The following FREM3 variants were observed in gnomAD, a reference collection of about 807,000 sequenced individuals.
FREM3 encodes FRAS1-related extracellular matrix protein 3.
In FREM3, 105 loss-of-function variants were observed where a neutral mutation model predicts 129.1. The observed-to-expected ratio is 0.81, with a 90% CI of 0.69 to 0.96. The LOEUF (loss-of-function observed/expected upper bound fraction) is 0.96, where lower values mean the gene tolerates loss of function less well. Ranked by LOEUF, FREM3 falls within the 40% of genes least tolerant of loss-of-function variation. The pLI, the probability that FREM3 is intolerant of heterozygous loss-of-function variation, is 0.00. For missense variants in FREM3, 2,593 were observed against 2,666.3 expected, an observed-to-expected ratio of 0.97 and a Z score of 0.61; for synonymous variants, 1,014 against 1,044.9, an observed-to-expected ratio of 0.97 and a Z score of 0.57.
chr4:143,636,708 TCTC>T (rs1405546546), intron 2 of FREM3, among the ~76,000 whole-genome samples: 1 of 151,546 alleles, frequency 6.6e-6, no homozygotes, highest in Non-Finnish European at 1.5e-5. Context: ...TCTAATATAA[TCTC>T]CTCTTTTAAA....
At chr4:143,599,781 G>GCTA (rs1738541000) in intron 6 of FREM3, among the ~76,000 whole-genome samples, 1 of 152,040 alleles carries the variant, frequency 6.6e-6, no homozygotes, top group African/African-American at 2.4e-5. Context: ...TAGATTCAGG[G>GCTA]GTACATACAT....
chr4:143,639,849 T>C (rs1164563915), intron 2 of FREM3, among the ~76,000 whole-genome samples: 1 of 152,138 alleles, frequency 6.6e-6, no homozygotes, highest in South Asian at 2.1e-4. Flanking sequence ...TCATACTTGA[T>C]ATTTGACAAA....
chr4:143,577,875 T>C (rs1418590075), intron 7 of FREM3, 23 bp from the exon 8 acceptor site: 2 of 1,526,932 alleles, frequency 1.3e-6, no homozygotes, highest in South Asian at 2.4e-5. Flanking sequence ...GAAAAGGCAC[T>C]GGTGAGACAG....
At chr4:143,620,498 T>G (rs1738927305) in intron 5 of FREM3, among the ~76,000 whole-genome samples, 1 of 152,176 alleles carries the variant, frequency 6.6e-6, no homozygotes, top group Non-Finnish European at 1.5e-5. Flanking sequence ...GACAGCTAAA[T>G]CTGGCTGTAT....
In FREM3 at chr4:143,660,674, C is replaced by T. The variant is rs1287369490; in HGVS notation, c.5275+32439G>A. On this transcript the variant is annotated intron_variant, in intron 2 of 7. Transcript: ENST00000329798. ...CACTGAATCTATAAATTACCTTGGG[C>T]AGTATGGCCATTTTCACGATATTGA... Among the ~76,000 whole-genome samples the T allele has an allele frequency of 2.0e-5, 3 of 152,168 alleles. No individual in the cohort carries two copies. In the East Asian group the frequency reaches 5.8e-4, roughly 29 times the overall value.
chr4:143,698,636 A>G lies in FREM3; in HGVS notation c.2040T>C (p.His680=). The change falls in exon 1 of 8, where the codon CAT becomes CAC. Residue 680 remains histidine (H), a synonymous_variant. Coordinates refer to ENST00000329798, the MANE Select transcript of FREM3 (RefSeq NM_001168235.2). The stretch of plus-strand genomic sequence containing the variant: ...GCTGTTTGGAGAGATTGGGTGGGTC[A>G]TGGTCATCCTGCACATGGAAAGCCA... The part of the protein sequence containing the change: ...VQLAFHVQDD[H]DPPNLSKQHI... 6.5e-7 allele frequency: 1 copy of G among 1,537,832 alleles called. No homozygotes were observed. The highest frequency in any genetic ancestry group is 8.7e-7 in the Non-Finnish European group (1 of 1,147,028).
At chr4:143,609,037 A>G (rs531151654) in intron 6 of FREM3, among the ~76,000 whole-genome samples, 43 of 152,274 alleles carry the variant, frequency 2.8e-4, no homozygotes, top group Non-Finnish European at 5.1e-4. Context: ...CTTAAGAATC[A>G]TAGAATTATG....
Position 143,695,656 on chromosome 4 carries a change from G to A in FREM3, c.5020C>T (p.Leu1674Phe). The A allele has an allele frequency of 1.3e-6, 2 of 1,537,270 alleles. No homozygotes were observed. Among genetic ancestry groups the A allele is most frequent in the East Asian group, 2.4e-5 (1 of 40,916 alleles). The change falls in exon 1 of 8, where the codon CTT becomes TTT. Residue 1674 changes from leucine to phenylalanine, a missense_variant. Leu to Phe is a conservative substitution (Grantham distance 22). Transcript: ENST00000329798. Reference sequence around the variant, plus strand: ...AGGAAGCCCATGTGTCCAGTGTGAAGGCGCTTCAAGGCTGGGGCACCCCTG... The same window carrying A: ...AGGAAGCCCATGTGTCCAGTGTGAAAGCGCTTCAAGGCTGGGGCACCCCTG... ...TNRGAPALKR[L>F]HTGHMGFLIT...
At chr4:143,593,531 CG>C (rs1738406235) in intron 6 of FREM3, among the ~76,000 whole-genome samples, 1 of 152,180 alleles carries the variant, frequency 6.6e-6, no homozygotes, top group Non-Finnish European at 1.5e-5. Context: ...GTATCAGCAG[CG>C]GTGGCTGAAG....
chr4:143,611,622 G>A lies in FREM3; in HGVS notation c.5780-95C>T, dbSNP rs532132859. On this transcript the variant is annotated intron_variant, in intron 5 of 7. Coordinates refer to ENST00000329798, the MANE Select transcript of FREM3 (RefSeq NM_001168235.2). Reference sequence around the variant, plus strand: ...TTCTTTAATGTATTTTTAGATAATAGCTATCTGAATGATACAACACACTTA... The same window carrying A: ...TTCTTTAATGTATTTTTAGATAATAACTATCTGAATGATACAACACACTTA... 25 of 1,113,188 alleles carry A rather than the reference G, an allele frequency of 2.2e-5. No homozygotes were observed. The African/African-American group carries it at 3.7e-4, about 16-fold the overall frequency. The allele number at this position is 1,113,188 out of a possible 1,614,324, so 69.0% of individuals were successfully genotyped here. A position where few individuals can be genotyped will look rare whatever the true frequency, so the allele number is the denominator to read the frequency against.
chr4:143,621,124 C>T lies in FREM3; in HGVS notation c.5692G>A (p.Glu1898Lys), dbSNP rs1738941598. ...ATCAAAAGTTCCCCAATGTCCTCTT[C>T]TATTTTGTATTCCGCCTCTGGAATA... ...VYIPEAEYKI[E>K]EDIGELLIPV... Residue 1898 changes from glutamate to lysine, a missense_variant, in exon 5 of 8, where the codon GAA becomes AAA. Glu to Lys is a moderately conservative substitution (Grantham distance 56, BLOSUM62 1). Coordinates refer to ENST00000329798, the MANE Select transcript of FREM3 (RefSeq NM_001168235.2). 2 of 1,536,976 alleles carry T rather than the reference C, an allele frequency of 1.3e-6. No homozygotes were observed. The highest frequency in any genetic ancestry group is 2.4e-5 in the South Asian group (2 of 84,054).
At position 143,695,716 on chromosome 4, in the gene FREM3, A is replaced by C; in HGVS notation, c.4960T>G (p.Ser1654Ala). ...KPQVMRVQIR[S>A]LDNRLPQITT... is the part of the protein sequence containing the mutation. The stretch of plus-strand genomic sequence containing the variant: ...ATCTGGGGAAGCCTATTGTCTAATG[A>C]TCTTATCTGGACCCTCATTACTTGA... Residue 1654 changes from serine (S) to alanine (A), a missense_variant, in exon 1 of 8, where the codon TCA becomes GCA. Around this residue, in one of 2 missense-constraint regions of FREM3, gnomAD observed 2,276 missense variants for 2,267.2 expected, o/e 1.00. Transcript: ENST00000329798. 1 of 1,537,164 alleles carries C rather than the reference A, an allele frequency of 6.5e-7. No individual in the cohort carries two copies. The highest frequency in any genetic ancestry group is 8.7e-7 in the Non-Finnish European group (1 of 1,146,908).
chr4:143,681,736 A>G (rs1416613205), intron 2 of FREM3, among the ~76,000 whole-genome samples: 1 of 152,198 alleles, frequency 6.6e-6, no homozygotes, highest in Non-Finnish European at 1.5e-5. Context: ...AAAGAAGAGA[A>G]GAGAAGAAAA....
At chr4:143,595,890 A>G (rs113586363) in intron 6 of FREM3, among the ~76,000 whole-genome samples, 987 of 57,346 alleles carry the variant, frequency 0.017, 9 homozygotes, top group Middle Eastern at 0.045. Flanking sequence ...GCCATCTCAG[A>G]AAAAAAAAAA....
At chr4:143,651,010 T>C (rs1739501475) in intron 2 of FREM3, among the ~76,000 whole-genome samples, 1 of 152,266 alleles carries the variant, frequency 6.6e-6, no homozygotes, top group South Asian at 2.1e-4. Flanking sequence ...ATTTGATCAC[T>C]ATAGTGGTCT....
intron 5 of FREM3, among the ~76,000 whole-genome samples, chr4:143,616,007 C>G (rs1396228783): frequency 6.6e-6 from 1 of 152,156 alleles, no homozygotes. Context: ...GTAAGCAAAG[C>G]AAACCTTTCT....
chr4:143,694,144 C>T (rs1052789419), intron 1 of FREM3, among the ~76,000 whole-genome samples: 6 of 152,116 alleles, frequency 3.9e-5, no homozygotes, highest in African/African-American at 1.4e-4. Context: ...ACCTCCAAAC[C>T]TAAAATAAAA....
At chr4:143,613,305 A>G (rs1738793124) in intron 5 of FREM3, among the ~76,000 whole-genome samples, 1 of 152,190 alleles carries the variant, frequency 6.6e-6, no homozygotes, top group Non-Finnish European at 1.5e-5. Context: ...GGGAACTATC[A>G]CTTGGTGGGG....
At chr4:143,668,893 T>A (rs1488318455) in intron 2 of FREM3, among the ~76,000 whole-genome samples, 1 of 152,228 alleles carries the variant, frequency 6.6e-6, no homozygotes, top group Non-Finnish European at 1.5e-5. Context: ...TAGGGAATTG[T>A]AAGCAAATTG....
Sources: allele counts gnomAD v4.1 joint callset (sites outside exome capture counted in the v4.1 genomes callset), GRCh38; gene constraint gnomAD v4.1.1; regional missense constraint gnomAD v4.1.1; transcripts MANE v1.5; gene names NCBI Gene and HGNC (gene_info 2026-07-23, HGNC 2026-07-21).